The following ZNF462 variants were observed in gnomAD, a reference collection of about 807,000 sequenced individuals.
ZNF462 encodes zinc finger protein 462.
In ZNF462, 10 loss-of-function variants were observed where a neutral mutation model predicts 201.9. The observed-to-expected ratio is 0.05, with a 90% CI of 0.03 to 0.08. The LOEUF (loss-of-function observed/expected upper bound fraction) is 0.08. Among genes scored for constraint, ZNF462 ranks in the 10% least tolerant of loss-of-function variants. The probability of loss-of-function intolerance (pLI) is 1.00; values close to 1 mark genes in which losing one functional copy is unlikely to be tolerated. For missense variants in ZNF462, 2,523 were observed against 3,168.3 expected (o/e 0.80, Z 4.89); for synonymous variants, 1,227 against 1,193.3 (o/e 1.03, Z -0.58).
At position 107,010,408 on chromosome 9, in the gene ZNF462, GT is replaced by G. The variant is rs1829865961; in HGVS notation, c.7314-413del. On this transcript the variant is annotated intron_variant, in intron 12 of 12. Coordinates refer to ENST00000277225, the MANE Select transcript of ZNF462 (RefSeq NM_021224.6). This position sits in a 1 kb window ranked among gnomAD's most constrained non-coding sequence, Gnocchi z 4.6. The stretch of plus-strand genomic sequence containing the variant: ...TGACAAATAAATCTTTAGTACCTGA[GT>G]TACTCTTTTAGACTTCATAAATATA... 6.6e-6 allele frequency among the ~76,000 whole-genome samples: 1 copy of G among 152,102 alleles called. No individual in the cohort carries two copies. The highest frequency in any genetic ancestry group is 2.4e-5 in the African/African-American group (1 of 41,416).
intron 10 of ZNF462, among the ~76,000 whole-genome samples, chr9:106,997,581 G>C (rs1828831479): frequency 6.6e-6 from 1 of 152,146 alleles, no homozygotes; most frequent in Non-Finnish European, 1.5e-5. Context: ...AACTCTAATT[G>C]AGGTGCTCTT....
intron 10 of ZNF462, among the ~76,000 whole-genome samples, chr9:106,989,876 A>T (rs1828134891): frequency 6.6e-6 from 1 of 152,074 alleles, no homozygotes; most frequent in South Asian, 2.1e-4. Flanking sequence ...CTGTGGTGTC[A>T]GTTGTAATAT....
In ZNF462 at chr9:106,935,203, T is replaced by G. The variant is rs1179281413; in HGVS notation, c.6117-300T>G. On this transcript the variant is annotated intron_variant, in intron 5 of 12. Coordinates refer to ENST00000277225, the MANE Select transcript of ZNF462 (RefSeq NM_021224.6). The surrounding 1 kb of genome is among the most constrained non-coding windows in gnomAD (Gnocchi z 4.1). ...TATTGTACCTTCTCTTTAGATACAC[T>G]CTTCCAATGATCAGAGCTCTAAGAA... 6.6e-6 allele frequency among the ~76,000 whole-genome samples: 1 copy of G among 152,188 alleles called. No homozygotes were observed. Among genetic ancestry groups the G allele is most frequent in the East Asian group, 1.9e-4 (1 of 5,188 alleles).
intron 5 of ZNF462, among the ~76,000 whole-genome samples, chr9:106,934,819 TTGTAA>T (rs1423146186): frequency 6.6e-6 from 1 of 152,216 alleles, no homozygotes; most frequent in Non-Finnish European, 1.5e-5. Flanking sequence ...TAGGGGTTCG[TTGTAA>T]TTAAATAACT....
At chr9:106,955,929 C>G (rs1831553733) in intron 7 of ZNF462, among the ~76,000 whole-genome samples, 2 of 152,116 alleles carry the variant, frequency 1.3e-5, no homozygotes, top group Admixed American at 1.3e-4. Context: ...TTGTACCACA[C>G]CTGCAGTTAC....
rs1225592197 is a variant in ZNF462 at position 106,938,351 on chromosome 9, G to A, written c.6236-565G>A. The stretch of plus-strand genomic sequence containing the variant: ...ACTAGATAAGGAAATGGAGTTCTAT[G>A]CTGAGGTTTATGAACTGGTCCAAAA... On this transcript the variant is annotated intron_variant, in intron 6 of 12. Transcript: ENST00000277225. The surrounding 1 kb of genome is among the most constrained non-coding windows in gnomAD (Gnocchi z 4.4). 6.6e-6 allele frequency among the ~76,000 whole-genome samples: 1 copy of A among 152,150 alleles called. No homozygotes were observed. The highest frequency in any genetic ancestry group is 1.5e-5 in the Non-Finnish European group (1 of 68,028).
At position 106,962,869 on chromosome 9, in the gene ZNF462, C is replaced by T. The variant is rs571264598; in HGVS notation, c.6428-9136C>T. Among the ~76,000 whole-genome samples the T allele has an allele frequency of 5.7e-4, 87 of 152,042 alleles. No homozygotes were observed. Among genetic ancestry groups the T allele is most frequent in the Middle Eastern group, 3.4e-3 (1 of 294 alleles). On this transcript the variant is annotated intron_variant, in intron 7 of 12. Coordinates refer to ENST00000277225, the MANE Select transcript of ZNF462 (RefSeq NM_021224.6). This position sits in a 1 kb window ranked among gnomAD's most constrained non-coding sequence, Gnocchi z 4.6. ...CTGGCCATTGTATCATAATCTTGTG[C>T]GTCCAGGCCAGAGAGCTCCACTGAT...
In ZNF462 at chr9:106,865,140, C is replaced by T. The variant is rs917101633; in HGVS notation, c.-31+1785C>T. 6.6e-6 allele frequency among the ~76,000 whole-genome samples: 1 copy of T among 152,130 alleles called. No homozygotes were observed. The highest frequency in any genetic ancestry group is 2.4e-5 in the African/African-American group (1 of 41,420). On this transcript the variant is annotated intron_variant, in intron 1 of 12. Transcript: ENST00000277225. The surrounding 1 kb of genome is among the most constrained non-coding windows in gnomAD (Gnocchi z 4.1). The stretch of plus-strand genomic sequence containing the variant: ...GCTTTTAAGGGTTCCTCAGATTTTT[C>T]TCCACCAAAGAGTGCTTTCACAAGT...
chr9:106,915,418 G>C (rs1397195044), intron 1 of ZNF462, among the ~76,000 whole-genome samples: 1 of 152,172 alleles, frequency 6.6e-6, no homozygotes, highest in African/African-American at 2.4e-5. Flanking sequence ...TGGGATGTAA[G>C]AAGTTTTAGG....
intron 10 of ZNF462, among the ~76,000 whole-genome samples, chr9:106,986,782 C>G (rs1236618663): frequency 6.6e-6 from 1 of 152,106 alleles, no homozygotes; most frequent in Non-Finnish European, 1.5e-5. Flanking sequence ...CCCTTCCTCC[C>G]AAGTCCCCAA....
At position 106,935,564 on chromosome 9, in the gene ZNF462, T is replaced by C; in HGVS notation, c.6178T>C (p.Ser2060Pro). Reference protein sequence around the residue: ...HHKPFRCKLCSFKSSYNSRLK... With the variant: ...HHKPFRCKLCPFKSSYNSRLK... Reference sequence around the variant, plus strand: ...TAAACCATTCCGATGCAAACTCTGCTCCTTCAAGTCCTCCTATAACAGCCG... The same window carrying C: ...TAAACCATTCCGATGCAAACTCTGCCCCTTCAAGTCCTCCTATAACAGCCG... Residue 2060 changes from serine (S) to proline (P), a missense_variant, in exon 6 of 13, where the codon TCC (serine) becomes CCC (proline). By Grantham distance (74) the Ser-to-Pro change is moderately conservative. Transcript: ENST00000277225. The surrounding 1 kb of genome is among the most constrained non-coding windows in gnomAD (Gnocchi z 4.1). The C allele has an allele frequency of 1.2e-6, 2 of 1,614,084 alleles. No homozygotes were observed. The highest frequency in any genetic ancestry group is 1.7e-5 in the Admixed American group (1 of 60,020).
At chr9:106,971,844 A>T (rs1430629857) in intron 7 of ZNF462, among the ~76,000 whole-genome samples, 161 bp from the exon 8 acceptor site, 1 of 152,200 alleles carries the variant, frequency 6.6e-6, no homozygotes, top group East Asian at 1.9e-4. Context: ...TACATATATC[A>T]AATCATCATC....
At position 106,938,906 on chromosome 9, in the gene ZNF462, C is replaced by A. The variant is rs746669103; in HGVS notation, c.6236-10C>A. The A allele has an allele frequency of 6.3e-7, 1 of 1,594,214 alleles. No homozygotes were observed. Among genetic ancestry groups the A allele is most frequent in the African/African-American group, 1.3e-5 (1 of 74,480 alleles). On this transcript the variant is annotated splice_polypyrimidine_tract_variant and intron_variant, in intron 6 of 12. Transcript: ENST00000277225. The surrounding 1 kb of genome is among the most constrained non-coding windows in gnomAD (Gnocchi z 4.4). ...TTCCTGTTCTATTTCTTGTCACCAT[C>A]CTCTTCCAGGTGAGCATGCCTACAA...
rs768535253 is a variant in ZNF462, at chr9:106,925,760, A to G, written c.1848A>G (p.Arg616=). 1 of 1,614,216 alleles carries G rather than the reference A, an allele frequency of 6.2e-7. No homozygotes were observed. Among genetic ancestry groups the G allele is most frequent in the Admixed American group, 1.7e-5 (1 of 60,026 alleles). Residue 616 remains arginine (R), a synonymous_variant, in exon 3 of 13, where the codon AGA becomes AGG. Coordinates refer to ENST00000277225, the MANE Select transcript of ZNF462 (RefSeq NM_021224.6). The surrounding 1 kb of genome is among the most constrained non-coding windows in gnomAD (Gnocchi z 7.9). Reference sequence around the variant, plus strand: ...CCACCACAACTCTGAAAGGGCTAAGAGTCCATCAGCAGCATAAACATTCAT... The same window carrying G: ...CCACCACAACTCTGAAAGGGCTAAGGGTCCATCAGCAGCATAAACATTCAT... ...NYSTTTLKGL[R]VHQQHKHSFC...
chr9:107,002,105 G>A (rs185504024), intron 10 of ZNF462, among the ~76,000 whole-genome samples: 138 of 152,196 alleles, frequency 9.1e-4, no homozygotes, highest in Admixed American at 6.9e-3. Context: ...GTTCCAGTCT[G>A]GTCCCAAAGA....
In ZNF462 at chr9:106,928,227, G is replaced by A; in HGVS notation, c.4315G>A (p.Glu1439Lys). Residue 1439 changes from glutamate to lysine, a missense_variant, in exon 3 of 13, where the codon GAG (glutamate) becomes AAG (lysine). Coordinates refer to ENST00000277225, the MANE Select transcript of ZNF462 (RefSeq NM_021224.6). The surrounding 1 kb of genome is among the most constrained non-coding windows in gnomAD (Gnocchi z 9.3). ...CENSIPTPFP[E>K]QEAECPEDAR... ...AAACAGTATACCCACCCCTTTCCCGGAGCAGGAAGCTGAATGTCCAGAGGA... is the reference window on the plus strand; with the variant it reads ...AAACAGTATACCCACCCCTTTCCCGAAGCAGGAAGCTGAATGTCCAGAGGA... The A allele has an allele frequency of 6.2e-7, 1 of 1,613,986 alleles. No individual in the cohort carries two copies. The highest frequency in any genetic ancestry group is 1.3e-5 in the African/African-American group (1 of 74,968).
rs185090460 is a variant in ZNF462, at chr9:106,966,845, T to C, written c.6428-5160T>C. 7.3e-4 allele frequency among the ~76,000 whole-genome samples: 111 copies of C among 152,262 alleles called. No individual in the cohort carries two copies. The highest frequency in any genetic ancestry group is 2.6e-3 in the African/African-American group (107 of 41,560). ...TTCACACTGACCAACAAGCCTGTCT[T>C]CCAAGTCTGCACAAAAATCTAGCTC... On this transcript the variant is annotated intron_variant, in intron 7 of 12. Transcript: ENST00000277225. This position sits in a 1 kb window ranked among gnomAD's most constrained non-coding sequence, Gnocchi z 4.4.
chr9:106,868,261 A>G (rs1399416190), intron 1 of ZNF462, among the ~76,000 whole-genome samples: 1 of 152,202 alleles, frequency 6.6e-6, no homozygotes, highest in Non-Finnish European at 1.5e-5. Context: ...ATGCCAAGAC[A>G]TCTGGCAGAT....
At chr9:106,904,521 T>C (rs995559022) in intron 1 of ZNF462, among the ~76,000 whole-genome samples, 3 of 152,230 alleles carry the variant, frequency 2.0e-5, no homozygotes, top group Non-Finnish European at 4.4e-5. Flanking sequence ...CCCCCCGATA[T>C]GTTTTCTAGG....
Sources: gnomAD v4.1 joint callset for allele counts (sites outside exome capture counted in the v4.1 genomes callset) on GRCh38, gnomAD v4.1.1 for gene constraint, Gnocchi (gnomAD v3.1) non-coding constraint, MANE v1.5 for transcripts, NCBI Gene and HGNC (gene_info 2026-07-23, HGNC 2026-07-21) for gene names.